The following NLK variants were observed in gnomAD, a reference collection of about 807,000 sequenced individuals.
NLK encodes serine/threonine-protein kinase NLK.
NLK carries 11 observed loss-of-function variants against 59.0 expected under a neutral mutation model. The observed-to-expected ratio is 0.19, with a 90% CI of 0.12 to 0.31. The LOEUF (loss-of-function observed/expected upper bound fraction) is 0.31. Ranked by LOEUF, NLK falls within the 10% of genes least tolerant of loss-of-function variation. NLK has a pLI of 1.00. For missense variants in NLK, 410 were observed against 661.1 expected (o/e 0.62, Z 4.16); for synonymous variants, 235 against 235.9 (o/e 1.00, Z 0.03).
At chr17:28,082,154 C>T (rs896850652) in intron 1 of NLK, among the ~76,000 whole-genome samples, 4 of 152,200 alleles carry the variant, frequency 2.6e-5, no homozygotes, top group East Asian at 1.9e-4. Context: ...CCACCCTCCT[C>T]GGCCTCCCAA....
intron 1 of NLK, among the ~76,000 whole-genome samples, chr17:28,059,124 T>G (rs1264645023): frequency 6.7e-6 from 1 of 149,108 alleles, no homozygotes; most frequent in Admixed American, 6.6e-5. Context: ...AGATCCTGTC[T>G]CAAAAAAAAA....
At chr17:28,189,384 A>T (rs923158514) in intron 8 of NLK, among the ~76,000 whole-genome samples, 1 of 152,232 alleles carries the variant, frequency 6.6e-6, no homozygotes, top group African/African-American at 2.4e-5. Flanking sequence ...CCTGCAGATA[A>T]CCCAGCAGGT....
At chr17:28,205,281 A>AT in the NLK span, among the ~76,000 whole-genome samples, 191 of 152,270 alleles carry the variant, frequency 1.3e-3, 2 homozygotes, top group African/African-American at 4.2e-3. Context: ...TTGATTTATT[A>AT]TTTTTGCTAT....
intron 1 of NLK, among the ~76,000 whole-genome samples, chr17:28,063,808 A>G (rs2142749808): frequency 6.6e-6 from 1 of 152,350 alleles, no homozygotes; most frequent in East Asian, 1.9e-4. Context: ...GAAGCTAAGA[A>G]TAATTAAACT....
intron 1 of NLK, among the ~76,000 whole-genome samples, chr17:28,117,450 G>A (rs959875800): frequency 6.6e-6 from 1 of 152,084 alleles, no homozygotes; most frequent in Non-Finnish European, 1.5e-5. Context: ...GTACTTTCAG[G>A]TGTCTCACTA....
chr17:28,116,054 A>G (rs751969306), intron 1 of NLK, among the ~76,000 whole-genome samples: 6 of 152,124 alleles, frequency 3.9e-5, no homozygotes, highest in Non-Finnish European at 7.4e-5. Context: ...ATGTCATTTC[A>G]CCTATTTATA....
intron 5 of NLK, among the ~76,000 whole-genome samples, chr17:28,166,529 TC>T (rs1228676196): frequency 6.6e-6 from 1 of 152,174 alleles, no homozygotes; most frequent in African/African-American, 2.4e-5. Context: ...TTTGGGGACT[TC>T]AATTTAGAAA....
chr17:28,134,647 A>G (rs1022831817), intron 3 of NLK, among the ~76,000 whole-genome samples: 4 of 152,180 alleles, frequency 2.6e-5, no homozygotes, highest in African/African-American at 4.8e-5. Context: ...ATCTTTGGTG[A>G]TATTTTAATC....
intron 8 of NLK, among the ~76,000 whole-genome samples, chr17:28,186,197 G>C (rs185721619): frequency 2.0e-5 from 3 of 152,154 alleles, no homozygotes; most frequent in Non-Finnish European, 2.9e-5. Flanking sequence ...AGTTTACATT[G>C]GTCCATTTGT....
At chr17:28,062,720 A>G (rs1233677901) in intron 1 of NLK, among the ~76,000 whole-genome samples, 1 of 152,124 alleles carries the variant, frequency 6.6e-6, no homozygotes, top group Admixed American at 6.5e-5. Context: ...AGCTGGGACT[A>G]CAGGTGTGTG....
chr17:28,057,239 G>C (rs1188598191), intron 1 of NLK, among the ~76,000 whole-genome samples: 2 of 152,074 alleles, frequency 1.3e-5, no homozygotes, highest in African/African-American at 2.4e-5. Context: ...ACAGGCGTGA[G>C]CCACCACGCC....
intron 1 of NLK, among the ~76,000 whole-genome samples, chr17:28,089,516 A>G (rs1197701305): frequency 6.7e-6 from 1 of 149,534 alleles, no homozygotes; most frequent in Non-Finnish European, 1.5e-5. Flanking sequence ...TTTCTAGTTT[A>G]GGGCTATTAG....
In NLK at chr17:28,178,579, A is replaced by T. The variant is rs561831213; in HGVS notation, c.1149+5961A>T. Among the ~76,000 whole-genome samples, 18 of 152,256 alleles carry T rather than the reference A, an allele frequency of 1.2e-4. No homozygotes were observed. The South Asian group carries it at 3.7e-3, about 32-fold the overall frequency. On this transcript the variant is annotated intron_variant, in intron 7 of 10. Transcript: ENST00000407008. Reference sequence around the variant, plus strand: ...CTTAGTCCTCTTGTTCTTCTCTTATAATTAGGTTTAGGTCTTCAGTTTTCC... The same window carrying T: ...CTTAGTCCTCTTGTTCTTCTCTTATTATTAGGTTTAGGTCTTCAGTTTTCC...
At chr17:28,043,373 TGTTG>T (rs761401130) in intron 1 of NLK, 42 bp downstream of exon 1, 2 of 1,467,076 alleles carry the variant, frequency 1.4e-6, no homozygotes, top group Non-Finnish European at 1.8e-6. Flanking sequence ...TGGTTTCTTC[TGTTG>T]GTTGTCATTG....
At chr17:28,152,537 T>C (rs1189858716) in intron 3 of NLK, among the ~76,000 whole-genome samples, 1 of 152,164 alleles carries the variant, frequency 6.6e-6, no homozygotes, top group Non-Finnish European at 1.5e-5. Flanking sequence ...TTCGCATCCA[T>C]GCAAGAACTC....
Position 28,167,850 on chromosome 17 carries a change from G to A in NLK, c.838-598G>A, listed in dbSNP as rs550061478. The stretch of plus-strand genomic sequence containing the variant: ...CCTGTCTAAAAAAATAAATAAAGTC[G>A]TTTACGTTCACCTAGTTTTTTTTGC... On this transcript the variant is annotated intron_variant, in intron 5 of 10. Transcript: ENST00000407008. Among the ~76,000 whole-genome samples, 19 of 151,728 alleles carry A rather than the reference G, an allele frequency of 1.3e-4. No homozygotes were observed. In the South Asian group the frequency reaches 3.1e-3, roughly 25 times the overall value.
intron 1 of NLK, among the ~76,000 whole-genome samples, chr17:28,111,868 G>A (rs1162927672): frequency 8.5e-6 from 1 of 117,542 alleles, no homozygotes; most frequent in African/African-American, 3.6e-5. Flanking sequence ...TACCGTGTGT[G>A]TGTGTGTGTG....
chr17:28,051,459 A>G (rs1909253538), intron 1 of NLK, among the ~76,000 whole-genome samples: 1 of 151,836 alleles, frequency 6.6e-6, no homozygotes, highest in East Asian at 1.9e-4. Context: ...CCCAGGTTCA[A>G]GGGATTCTCC....
chr17:28,155,104 TTATAA>T (rs1218324393), intron 3 of NLK, among the ~76,000 whole-genome samples: 4 of 152,176 alleles, frequency 2.6e-5, no homozygotes, highest in Non-Finnish European at 5.9e-5. Flanking sequence ...GTTAAATGAA[TTATAA>T]TATAGCCACA....
Sources: allele counts gnomAD v4.1 joint callset (sites outside exome capture counted in the v4.1 genomes callset), GRCh38; gene constraint gnomAD v4.1.1; transcripts MANE v1.5; gene names NCBI Gene and HGNC (gene_info 2026-07-23, HGNC 2026-07-21).